Variants in PKN2 observed in about 807,000 individuals in gnomAD.
The protein encoded by PKN2 is protein kinase N2.
Under a neutral mutation model 119.1 loss-of-function variants are expected in PKN2, and 38 were observed. The ratio of observed to expected loss-of-function variants is 0.32; its 90% confidence interval spans 0.25 to 0.42. The LOEUF (loss-of-function observed/expected upper bound fraction) is 0.42, where lower values mean the gene tolerates loss of function less well. PKN2 is among the 10% of genes least tolerant of loss of function. The probability of loss-of-function intolerance (pLI) is 1.00; values close to 1 mark genes in which losing one functional copy is unlikely to be tolerated. For missense variants in PKN2, 850 were observed against 1,165.1 expected, an observed-to-expected ratio of 0.73 and a Z score of 3.94; for synonymous variants, 390 against 384.9, an observed-to-expected ratio of 1.01 and a Z score of -0.15.
chr1:88,833,023 G>C (rs1206928829), intron 20 of PKN2, 54 bp from the exon 21 acceptor site: 19 of 1,472,742 alleles, frequency 1.3e-5, no homozygotes, highest in Non-Finnish European at 1.8e-5. Flanking sequence ...ATCCTTATCA[G>C]TGAATTTTAT....
chr1:88,810,675 C>T (rs1671745543), intron 15 of PKN2, among the ~76,000 whole-genome samples: 1 of 151,908 alleles, frequency 6.6e-6, no homozygotes, highest in Admixed American at 6.6e-5. Context: ...GGAGTGATCT[C>T]GGCTCACTAC....
chr1:88,824,371 G>T lies in PKN2; in HGVS notation c.2404G>T (p.Gly802Cys). The T allele has an allele frequency of 6.3e-7, 1 of 1,586,236 alleles. No homozygotes were observed. The highest frequency in any genetic ancestry group is 1.1e-5 in the South Asian group (1 of 90,126). ...GGGCTTTGTGAAAATTGCTGATTTT[G>T]GTCTTTGCAAAGAAGGTAATCGAAT... is the stretch of plus-strand genomic sequence containing the variant. ...TEGFVKIADF[G>C]LCKEGMGYGD... The change falls in exon 18 of 22, where the codon GGT (glycine) becomes TGT (cysteine). Residue 802 changes from glycine (G) to cysteine (C), a missense_variant. By Grantham distance (159) the Gly-to-Cys change is radical. This residue lies in a region of PKN2 where 55 missense variants were observed against 85.9 expected (regional missense o/e 0.64). Transcript: ENST00000370521.
chr1:88,777,877 C>A (rs1670168318), intron 6 of PKN2, among the ~76,000 whole-genome samples: 1 of 152,144 alleles, frequency 6.6e-6, no homozygotes, highest in Non-Finnish European at 1.5e-5. Context: ...AGATAAGAAA[C>A]ATTTACAGTC....
chr1:88,701,927 A>G (rs906477947), intron 1 of PKN2, among the ~76,000 whole-genome samples: 34 of 152,116 alleles, frequency 2.2e-4, no homozygotes, highest in African/African-American at 2.9e-4. Flanking sequence ...TCATTGTAGG[A>G]CTTTAGAGGA....
intron 2 of PKN2, among the ~76,000 whole-genome samples, chr1:88,754,950 C>T (rs67631947): frequency 0.067 from 10,184 of 152,042 alleles, 700 homozygotes; most frequent in African/African-American, 0.18. Context: ...TCTTATAATA[C>T]CCCCGAAAAT....
intron 3 of PKN2, among the ~76,000 whole-genome samples, chr1:88,767,008 G>A (rs1389198804): frequency 6.6e-6 from 1 of 152,036 alleles, no homozygotes; most frequent in Admixed American, 6.6e-5. Context: ...GTAAAATGAT[G>A]GAACTACTTC....
At chr1:88,706,487 A>G (rs911458792) in intron 1 of PKN2, among the ~76,000 whole-genome samples, 39 of 152,226 alleles carry the variant, frequency 2.6e-4, no homozygotes, top group Admixed American at 1.8e-3. Flanking sequence ...GCTTGGTTGC[A>G]CTGGCTATGA....
chr1:88,801,995 G>A (rs1209138042), intron 8 of PKN2, among the ~76,000 whole-genome samples: 3 of 152,204 alleles, frequency 2.0e-5, no homozygotes, highest in African/African-American at 7.2e-5. Context: ...CTTATGAAAG[G>A]TTTAAGGAAG....
At chr1:88,721,834 A>T (rs1456760227) in intron 1 of PKN2, among the ~76,000 whole-genome samples, 1 of 152,152 alleles carries the variant, frequency 6.6e-6, no homozygotes, top group African/African-American at 2.4e-5. Flanking sequence ...AAACCTCAGG[A>T]ATCTGTGAAC....
chr1:88,722,791 A>T (rs372341441), intron 1 of PKN2, among the ~76,000 whole-genome samples: 1 of 151,646 alleles, frequency 6.6e-6, no homozygotes, highest in Non-Finnish European at 1.5e-5. Flanking sequence ...TCAAAATAAA[A>T]AAAAAAAAAA....
At position 88,784,702 on chromosome 1, in the gene PKN2, A is replaced by G; in HGVS notation, c.1049A>G (p.Lys350Arg). 1 of 1,612,458 alleles carries G rather than the reference A, an allele frequency of 6.2e-7. No homozygotes were observed. Among genetic ancestry groups the G allele is most frequent in the Non-Finnish European group, 8.5e-7 (1 of 1,179,038 alleles). The change falls in exon 7 of 22, where the codon AAA (lysine) becomes AGA (arginine). Residue 350 changes from lysine to arginine, a missense_variant. By Grantham distance (26) the Lys-to-Arg change is conservative. Transcript: ENST00000370521. ...DILENVPGRS[K>R]ATSVALPGWS... ...CTAGAGAATGTCCCTGGACGGTCAA[A>G]AGCAACATCAGTTGCACTGCCTGGT... is the stretch of plus-strand genomic sequence containing the variant.
chr1:88,737,809 A>G (rs1668415945), intron 1 of PKN2, among the ~76,000 whole-genome samples: 1 of 152,118 alleles, frequency 6.6e-6, no homozygotes, highest in Admixed American at 6.5e-5. Flanking sequence ...CCTTACCCCA[A>G]GTGGGCTGTG....
At chr1:88,787,800 A>G (rs967641553) in intron 8 of PKN2, among the ~76,000 whole-genome samples, 1 of 152,220 alleles carries the variant, frequency 6.6e-6, no homozygotes, top group Non-Finnish European at 1.5e-5. Flanking sequence ...CATGTTAAGC[A>G]GGTCCTCTAG....
intron 1 of PKN2, among the ~76,000 whole-genome samples, chr1:88,704,628 G>A (rs1219808908): frequency 6.6e-6 from 1 of 151,840 alleles, no homozygotes; most frequent in Non-Finnish European, 1.5e-5. Flanking sequence ...AAGAGTTCTG[G>A]TTGTTAACCA....
chr1:88,701,471 A>G (rs1666766370), intron 1 of PKN2, among the ~76,000 whole-genome samples: 1 of 152,230 alleles, frequency 6.6e-6, no homozygotes, highest in South Asian at 2.1e-4. Context: ...CTGGTTGCTC[A>G]ATATGAGACT....
intron 8 of PKN2, among the ~76,000 whole-genome samples, chr1:88,797,096 G>A (rs1671100595): frequency 6.6e-6 from 1 of 152,084 alleles, no homozygotes; most frequent in South Asian, 2.1e-4. Flanking sequence ...CACTTTGAGA[G>A]GCTGAGGCGG....
At chr1:88,758,547 T>TA (rs1356530367) in intron 2 of PKN2, among the ~76,000 whole-genome samples, 9 of 152,116 alleles carry the variant, frequency 5.9e-5, no homozygotes, top group African/African-American at 2.2e-4. Context: ...CACACTCCAA[T>TA]AGGCCCCCAG....
At chr1:88,694,944 A>G (rs903228865) in intron 1 of PKN2, among the ~76,000 whole-genome samples, 1 of 152,158 alleles carries the variant, frequency 6.6e-6, no homozygotes, top group Admixed American at 6.5e-5. Context: ...GAGAGATCAC[A>G]GTGAAACCCC....
At chr1:88,733,143 A>G (rs10754254) in intron 1 of PKN2, among the ~76,000 whole-genome samples, 77,230 of 152,078 alleles carry the variant, frequency 0.51, 20,319 homozygotes, top group Middle Eastern at 0.7. Context: ...TAATGCTGTA[A>G]TAAACATAGG....
Sources: allele counts gnomAD v4.1 joint callset (sites outside exome capture counted in the v4.1 genomes callset), GRCh38; gene constraint gnomAD v4.1.1; regional missense constraint gnomAD v4.1.1; transcripts MANE v1.5; gene names NCBI Gene and HGNC (gene_info 2026-07-23, HGNC 2026-07-21).